Variants in NEGR1 observed in about 807,000 individuals in gnomAD.
NEGR1 encodes neuronal growth regulator 1.
Under a neutral mutation model 40.9 loss-of-function variants are expected in NEGR1, and 10 were observed. The observed-to-expected ratio is 0.24, with a 90% CI of 0.15 to 0.42. NEGR1 has a LOEUF of 0.42. Ranked by LOEUF, NEGR1 falls within the 10% of genes least tolerant of loss-of-function variation. NEGR1 has a pLI of 1.00. For synonymous variants in NEGR1, 185 were observed against 166.8 expected, an observed-to-expected ratio of 1.11 and a Z score of -0.84; for missense variants, 352 against 438.9, an observed-to-expected ratio of 0.80 and a Z score of 1.77.
chr1:71,420,285 T>A (rs959818395), intron 6 of NEGR1, among the ~76,000 whole-genome samples: 3 of 152,072 alleles, frequency 2.0e-5, no homozygotes, highest in Admixed American at 1.3e-4. Context: ...ATATATACAT[T>A]TAAACATATA....
chr1:71,758,016 C>T (rs1426578463), intron 3 of NEGR1, among the ~76,000 whole-genome samples: 3 of 151,540 alleles, frequency 2.0e-5, no homozygotes, highest in Admixed American at 2.0e-4. Context: ...GTGTAACAAC[C>T]CTGTTACATT....
At chr1:72,135,307 C>T (rs1312888548) in intron 1 of NEGR1, among the ~76,000 whole-genome samples, 1 of 133,630 alleles carries the variant, frequency 7.5e-6, no homozygotes, top group South Asian at 2.6e-4. Flanking sequence ...ACCCGGGAGG[C>T]GGAGCTTGCA....
At chr1:71,568,576 G>T (rs1648696172) in intron 6 of NEGR1, among the ~76,000 whole-genome samples, 1 of 151,918 alleles carries the variant, frequency 6.6e-6, no homozygotes, top group Non-Finnish European at 1.5e-5. Context: ...TGAATTTCCA[G>T]TGGTAAATAA....
chr1:71,726,629 T>C (rs999021150), intron 3 of NEGR1, among the ~76,000 whole-genome samples: 1 of 152,226 alleles, frequency 6.6e-6, no homozygotes, highest in African/African-American at 2.4e-5. Flanking sequence ...TTATTCTTAA[T>C]GTCTTTAATC....
At chr1:72,088,788 CTCTCTCTCTTTT>C (rs1432535198) in intron 1 of NEGR1, among the ~76,000 whole-genome samples, 2 of 124,102 alleles carry the variant, frequency 1.6e-5, no homozygotes, top group African/African-American at 3.3e-5. Flanking sequence ...ATGTAGTTCT[CTCTCTCTCTTTT>C]TTTTTTTTTT....
rs766844612 is a variant in NEGR1, at chr1:72,155,002, G to GA, written c.176+127316dup. The stretch of plus-strand genomic sequence containing the variant: ...ACTCTGCAAATTCTTGTCCCCTAGT[G>GA]AAAAAAATACATGGTAGAAAATAGC... On this transcript the variant is annotated intron_variant, in intron 1 of 6. Transcript: ENST00000357731. Among the ~76,000 whole-genome samples, 62 of 151,944 alleles carry GA rather than the reference G, an allele frequency of 4.1e-4. 2 individuals carry two copies. Among genetic ancestry groups the GA allele is most frequent in the Non-Finnish European group, 7.4e-4 (50 of 67,870 alleles).
intron 2 of NEGR1, among the ~76,000 whole-genome samples, chr1:71,886,263 T>C (rs796201676): frequency 2.6e-5 from 4 of 152,276 alleles, no homozygotes; most frequent in African/African-American, 7.2e-5. Flanking sequence ...AGTTGTTCCC[T>C]AATAAAAATG....
At chr1:71,786,130 A>T (rs1016534554) in intron 2 of NEGR1, among the ~76,000 whole-genome samples, 3 of 152,200 alleles carry the variant, frequency 2.0e-5, no homozygotes, top group Non-Finnish European at 2.9e-5. Flanking sequence ...AACATTAAGG[A>T]AGAAAAAAAA....
At chr1:71,439,309 C>T (rs1646531222) in intron 6 of NEGR1, among the ~76,000 whole-genome samples, 1 of 152,102 alleles carries the variant, frequency 6.6e-6, no homozygotes, top group Non-Finnish European at 1.5e-5. Context: ...GAAGGTGTTA[C>T]TAGAACTCAA....
chr1:72,099,854 A>T (rs1247708209), intron 1 of NEGR1, among the ~76,000 whole-genome samples: 1 of 151,826 alleles, frequency 6.6e-6, no homozygotes, highest in Non-Finnish European at 1.5e-5. Context: ...TAAAAATTTC[A>T]ATGTATACAT....
chr1:71,849,518 A>G (rs1463051586), intron 2 of NEGR1, among the ~76,000 whole-genome samples: 6 of 152,070 alleles, frequency 3.9e-5, no homozygotes, highest in Non-Finnish European at 7.4e-5. Context: ...ACGAAATCAC[A>G]GTAAATAATT....
intron 6 of NEGR1, among the ~76,000 whole-genome samples, chr1:71,560,558 C>A (rs1648421865): frequency 6.6e-6 from 1 of 150,458 alleles, no homozygotes; most frequent in Admixed American, 6.7e-5. Context: ...CAAAGTCACC[C>A]AGCATATTTC....
chr1:71,637,167 T>C (rs373279169), intron 4 of NEGR1, among the ~76,000 whole-genome samples: 3 of 152,148 alleles, frequency 2.0e-5, no homozygotes, highest in African/African-American at 7.2e-5. Context: ...ACTATTATAG[T>C]TTGGTCTTCC....
At chr1:71,782,494 A>C (rs1656753222) in intron 2 of NEGR1, among the ~76,000 whole-genome samples, 1 of 152,092 alleles carries the variant, frequency 6.6e-6, no homozygotes, top group Admixed American at 6.6e-5. Context: ...CATAATTATC[A>C]TTGGTATTTA....
At chr1:72,230,700 C>G (rs1654334055) in intron 1 of NEGR1, among the ~76,000 whole-genome samples, 1 of 152,110 alleles carries the variant, frequency 6.6e-6, no homozygotes, top group Non-Finnish European at 1.5e-5. Flanking sequence ...TCTGATTTGT[C>G]AAAGTTAATT....
chr1:71,549,587 G>T (rs928787505), intron 6 of NEGR1, among the ~76,000 whole-genome samples: 2 of 151,548 alleles, frequency 1.3e-5, no homozygotes, highest in Non-Finnish European at 1.5e-5. Context: ...GGAAACTACG[G>T]CACAGTGCAG....
intron 1 of NEGR1, among the ~76,000 whole-genome samples, chr1:72,094,791 G>C (rs1256681402): frequency 6.6e-6 from 1 of 152,040 alleles, no homozygotes; most frequent in Non-Finnish European, 1.5e-5. Flanking sequence ...CTGGTATTTT[G>C]TTAACACTAA....
chr1:71,633,881 C>T (rs1423494339), intron 4 of NEGR1, among the ~76,000 whole-genome samples: 1 of 152,008 alleles, frequency 6.6e-6, no homozygotes, highest in Non-Finnish European at 1.5e-5. Flanking sequence ...CTGTTGTTTC[C>T]AGTTGTGTCT....
At chr1:71,804,222 T>C (rs550378140) in intron 2 of NEGR1, among the ~76,000 whole-genome samples, 1 of 152,320 alleles carries the variant, frequency 6.6e-6, no homozygotes, top group African/African-American at 2.4e-5. Flanking sequence ...TGTTTGTTTT[T>C]TCATGTTTTA....
Sources: allele counts gnomAD v4.1 joint callset (sites outside exome capture counted in the v4.1 genomes callset), GRCh38; gene constraint gnomAD v4.1.1; transcripts MANE v1.5; gene names NCBI Gene and HGNC (gene_info 2026-07-23, HGNC 2026-07-21).